Variants in TOX observed in about 807,000 individuals in gnomAD.
The protein encoded by TOX is thymocyte selection-associated high mobility group box protein TOX.
In TOX, 11 loss-of-function variants were observed where a neutral mutation model predicts 53.7. The ratio of observed to expected loss-of-function variants is 0.20; its 90% CI spans 0.13 to 0.34. The LOEUF is 0.34. Ranked by LOEUF, TOX falls within the 10% of genes least tolerant of loss-of-function variation. The pLI is 1.00. For synonymous variants in TOX, 225 were observed against 245.3 expected, an observed-to-expected ratio of 0.92 and a Z score of 0.77; for missense variants, 570 against 664.6, an observed-to-expected ratio of 0.86 and a Z score of 1.56.
At chr8:59,046,516 G>T (rs1803683946) in intron 1 of TOX, among the ~76,000 whole-genome samples, 1 of 152,060 alleles carries the variant, frequency 6.6e-6, no homozygotes, top group Non-Finnish European at 1.5e-5. Context: ...TTTACAAATA[G>T]GGAACAATTG....
chr8:59,066,637 A>T (rs1234322278), intron 1 of TOX, among the ~76,000 whole-genome samples: 5 of 152,170 alleles, frequency 3.3e-5, no homozygotes, highest in Non-Finnish European at 5.9e-5. Context: ...TTTGCATTCA[A>T]AACGTCCCCA....
At chr8:58,832,186 T>A (rs907088150) in intron 5 of TOX, among the ~76,000 whole-genome samples, 2 of 147,930 alleles carry the variant, frequency 1.4e-5, no homozygotes, top group Non-Finnish European at 3.0e-5. Context: ...ATATATATAA[T>A]ATATGTAATA....
chr8:58,892,344 G>A (rs1160059516), intron 3 of TOX, among the ~76,000 whole-genome samples: 1 of 152,134 alleles, frequency 6.6e-6, no homozygotes, highest in African/African-American at 2.4e-5. Flanking sequence ...TTCATGTAGG[G>A]ACATTTTTTT....
intron 1 of TOX, among the ~76,000 whole-genome samples, chr8:59,070,506 A>AACACACACACACACAC (rs371344375): frequency 4.9e-4 from 69 of 140,218 alleles, no homozygotes; most frequent in African/African-American, 1.6e-3. Context: ...TGTCAAGGAA[A>AACACACACACACACAC]ACACACACAC....
chr8:58,897,468 C>T (rs983513699), intron 3 of TOX, among the ~76,000 whole-genome samples: 2 of 152,286 alleles, frequency 1.3e-5, no homozygotes, highest in Admixed American at 6.5e-5. Flanking sequence ...ACAGGCATGA[C>T]AGGAACTCAT....
chr8:58,903,650 C>T (rs552532447), intron 3 of TOX, among the ~76,000 whole-genome samples: 71 of 152,236 alleles, frequency 4.7e-4, no homozygotes, highest in Middle Eastern at 3.4e-3. Flanking sequence ...ATTTACACTA[C>T]TAAAAGTCTC....
chr8:59,106,039 G>A (rs548771846), intron 1 of TOX, among the ~76,000 whole-genome samples: 1 of 152,226 alleles, frequency 6.6e-6, no homozygotes, highest in East Asian at 1.9e-4. Flanking sequence ...TAGCAGAAAT[G>A]AATCTTCAAC....
At chr8:58,980,039 G>A (rs1813172781) in intron 1 of TOX, among the ~76,000 whole-genome samples, 3 of 152,200 alleles carry the variant, frequency 2.0e-5, no homozygotes, top group Admixed American at 1.3e-4. Context: ...GGAGATGGTT[G>A]CATAGCTCTG....
chr8:58,836,318 C>A (rs1465776559), intron 5 of TOX, among the ~76,000 whole-genome samples: 2 of 152,174 alleles, frequency 1.3e-5, no homozygotes, highest in African/African-American at 4.8e-5. Context: ...TTGGGAACCA[C>A]ACCTCAGGTT....
intron 3 of TOX, among the ~76,000 whole-genome samples, chr8:58,915,107 C>A (rs1391773025): frequency 6.6e-6 from 1 of 150,518 alleles, no homozygotes; most frequent in Non-Finnish European, 1.5e-5. Flanking sequence ...AACTGCAAGG[C>A]GGCAACGAGG....
intron 1 of TOX, among the ~76,000 whole-genome samples, chr8:59,063,122 C>T (rs1184083587): frequency 6.6e-6 from 1 of 152,106 alleles, no homozygotes; most frequent in Admixed American, 6.5e-5. Flanking sequence ...AGGGCTCTAG[C>T]TACTGAAATC....
intron 1 of TOX, among the ~76,000 whole-genome samples, chr8:59,033,488 C>T (rs570395750): frequency 3.2e-4 from 48 of 152,270 alleles, no homozygotes; most frequent in African/African-American, 9.1e-4. Flanking sequence ...GTACTTAATG[C>T]CACTGCACCT....
intron 1 of TOX, among the ~76,000 whole-genome samples, chr8:59,040,100 C>A (rs992116211): frequency 4.6e-5 from 7 of 152,014 alleles, no homozygotes; most frequent in Admixed American, 2.0e-4. Flanking sequence ...GAGGCCGAGG[C>A]GGGCGGATCA....
At chr8:58,808,575 G>A (rs1036043256) in intron 7 of TOX, among the ~76,000 whole-genome samples, 1 of 152,170 alleles carries the variant, frequency 6.6e-6, no homozygotes, top group Non-Finnish European at 1.5e-5. Flanking sequence ...AAAACAAAGG[G>A]AGAAGAGGGC....
chr8:59,070,644 A>T (rs1804181085), intron 1 of TOX, among the ~76,000 whole-genome samples: 1 of 152,110 alleles, frequency 6.6e-6, no homozygotes, highest in African/African-American at 2.4e-5. Context: ...GGAGAGAGAG[A>T]GAGATGCGTC....
At chr8:58,940,570 G>C (rs182018433) in intron 2 of TOX, among the ~76,000 whole-genome samples, 1 of 152,122 alleles carries the variant, frequency 6.6e-6, no homozygotes. Flanking sequence ...GAAACGTTTC[G>C]GTCCAGATAA....
At chr8:58,901,262 C>T (rs866788134) in intron 3 of TOX, among the ~76,000 whole-genome samples, 1 of 152,060 alleles carries the variant, frequency 6.6e-6, no homozygotes, top group Non-Finnish European at 1.5e-5. Flanking sequence ...CAAATAAATG[C>T]ACTTTATGTT....
At chr8:58,977,395 G>A (rs1007835929) in intron 1 of TOX, among the ~76,000 whole-genome samples, 2 of 152,198 alleles carry the variant, frequency 1.3e-5, no homozygotes, top group African/African-American at 4.8e-5. Context: ...GAATGCAGTG[G>A]CTGCTTTGAT....
chr8:59,068,688 A>G (rs1804139754), intron 1 of TOX, among the ~76,000 whole-genome samples: 1 of 152,238 alleles, frequency 6.6e-6, no homozygotes, highest in African/African-American at 2.4e-5. Flanking sequence ...AAACTGAGGC[A>G]CAGGCAAATG....
Sources: gnomAD v4.1 joint callset for allele counts (sites outside exome capture counted in the v4.1 genomes callset) on GRCh38, gnomAD v4.1.1 for gene constraint, MANE v1.5 for transcripts, NCBI Gene and HGNC (gene_info 2026-07-23, HGNC 2026-07-21) for gene names.